The following PCBP3 variants were observed in gnomAD, a reference collection of about 807,000 sequenced individuals.
The protein encoded by PCBP3 is poly(rC)-binding protein 3.
PCBP3 carries 25 observed loss-of-function variants against 52.7 expected under a neutral mutation model. The observed-to-expected ratio is 0.47, with a 90% CI of 0.35 to 0.66. The LOEUF is 0.66. Ranked by LOEUF, PCBP3 falls within the 30% of genes least tolerant of loss-of-function variation. PCBP3 has a pLI of 0.01. For synonymous variants in PCBP3, 162 were observed against 183.0 expected (o/e 0.89, Z 0.93); for missense variants, 391 against 490.3 (o/e 0.80, Z 1.91).
intron 12 of PCBP3, chr21:45,915,948 CCCAT>C (rs1267818734): frequency 6.6e-6 from 1 of 152,302 alleles, no homozygotes; most frequent in Non-Finnish European, 1.5e-5. Flanking sequence ...ACCTGGAGGG[CCCAT>C]CCACTTTATT....
chr21:45,794,876 C>G (rs187692187), intron 4 of PCBP3, among the ~76,000 whole-genome samples: 10 of 151,794 alleles, frequency 6.6e-5, no homozygotes, highest in Admixed American at 6.6e-4. Flanking sequence ...TTGCAGTGAG[C>G]CGAGATTGCG....
chr21:45,827,617 A>G lies in PCBP3; in HGVS notation c.-125-22344A>G, dbSNP rs1049469735. Among the ~76,000 whole-genome samples, 8 of 152,242 alleles carry G rather than the reference A, an allele frequency of 5.3e-5. No individual in the cohort carries two copies. Among genetic ancestry groups the G allele is most frequent in the Non-Finnish European group, 1.0e-4 (7 of 68,050 alleles). Reference sequence around the variant, plus strand: ...GTCGAGGTTTCAGAACTGAAAGTACAGCCACCAGAATTTAGAAATTCACAT... The same window carrying G: ...GTCGAGGTTTCAGAACTGAAAGTACGGCCACCAGAATTTAGAAATTCACAT... On this transcript the variant is annotated intron_variant, in intron 4 of 17. Transcript: ENST00000681687. This position sits in a 1 kb window ranked among gnomAD's most constrained non-coding sequence, Gnocchi z 4.3.
intron 4 of PCBP3, among the ~76,000 whole-genome samples, chr21:45,826,812 A>G (rs1038323838): frequency 2.0e-5 from 3 of 152,128 alleles, no homozygotes; most frequent in African/African-American, 7.2e-5. Flanking sequence ...GTTCTCTCTA[A>G]CCAGAGGAGG....
intron 4 of PCBP3, among the ~76,000 whole-genome samples, chr21:45,839,028 G>A (rs796330136): frequency 6.6e-5 from 10 of 151,278 alleles, no homozygotes; most frequent in African/African-American, 9.7e-5. Context: ...TTTTCTTTTC[G>A]AAAACATGAA....
At chr21:45,925,609 A>G (rs529882506) in intron 13 of PCBP3, among the ~76,000 whole-genome samples, 1 of 152,248 alleles carries the variant, frequency 6.6e-6, no homozygotes, top group Non-Finnish European at 1.5e-5. Flanking sequence ...CACCTAAAGC[A>G]TAAGAACCCA....
intron 3 of PCBP3, among the ~76,000 whole-genome samples, chr21:45,740,739 GTGTGTGTGTGGAAGGTGTGTGCA>G (rs1465835608): frequency 6.6e-6 from 1 of 151,826 alleles, no homozygotes; most frequent in Non-Finnish European, 1.5e-5. Context: ...GCACGCATGC[GTGTGTGTGTGGAAGGTGTGTGCA>G]TGTGTGTGTG....
At chr21:45,653,302 A>G (rs2079806929) in intron 1 of PCBP3, among the ~76,000 whole-genome samples, 2 of 152,170 alleles carry the variant, frequency 1.3e-5, no homozygotes, top group South Asian at 2.1e-4. Flanking sequence ...TTTGGTTGTT[A>G]TATTCATTAC....
chr21:45,835,561 G>T (rs1051270594), intron 4 of PCBP3, among the ~76,000 whole-genome samples: 4 of 152,364 alleles, frequency 2.6e-5, no homozygotes, highest in African/African-American at 9.6e-5. Flanking sequence ...CAGTTCCAGG[G>T]TTCAAACCTA....
intron 4 of PCBP3, among the ~76,000 whole-genome samples, chr21:45,767,799 C>T (rs1036816724): frequency 2.0e-5 from 3 of 152,214 alleles, no homozygotes; most frequent in African/African-American, 7.2e-5. Flanking sequence ...CATGTCAGGC[C>T]CCAGGCCCCT....
At chr21:45,878,364 A>C (rs2095320143) in intron 5 of PCBP3, among the ~76,000 whole-genome samples, 1 of 152,246 alleles carries the variant, frequency 6.6e-6, no homozygotes. Context: ...AAGTGCAGTA[A>C]GTTTCTGGCA....
intron 4 of PCBP3, among the ~76,000 whole-genome samples, chr21:45,819,166 G>A (rs1029111205): frequency 1.3e-5 from 2 of 152,166 alleles, no homozygotes; most frequent in African/African-American, 4.8e-5. Flanking sequence ...CTGGGGGGTG[G>A]TGATGTGCCC....
chr21:45,705,841 C>A (rs1415922145), intron 2 of PCBP3, among the ~76,000 whole-genome samples: 2 of 152,134 alleles, frequency 1.3e-5, no homozygotes, highest in African/African-American at 2.4e-5. Flanking sequence ...CTGCTGTGAG[C>A]CCAGGAGGCA....
At chr21:45,657,463 T>C (rs950149676) in intron 1 of PCBP3, among the ~76,000 whole-genome samples, 4 of 152,192 alleles carry the variant, frequency 2.6e-5, no homozygotes, top group African/African-American at 9.7e-5. Flanking sequence ...GACCATAAAA[T>C]ATGGGTTTAT....
At chr21:45,721,079 G>A (rs150050842) in intron 2 of PCBP3, among the ~76,000 whole-genome samples, 49 of 152,236 alleles carry the variant, frequency 3.2e-4, no homozygotes, top group Middle Eastern at 3.4e-3. Context: ...CTCAAGTTGC[G>A]GAAGCAGCTA....
At chr21:45,804,406 G>A (rs980895313) in intron 4 of PCBP3, among the ~76,000 whole-genome samples, 3 of 152,170 alleles carry the variant, frequency 2.0e-5, no homozygotes, top group African/African-American at 4.8e-5. Context: ...AGGCTTTGAG[G>A]TGGTGTACAA....
chr21:45,657,205 T>C (rs930495234), intron 1 of PCBP3, among the ~76,000 whole-genome samples: 2 of 152,254 alleles, frequency 1.3e-5, no homozygotes, highest in Admixed American at 6.5e-5. Flanking sequence ...TTTTGTTGCT[T>C]GTGCTTTGTC....
intron 10 of PCBP3, among the ~76,000 whole-genome samples, chr21:45,910,603 G>A (rs1026076005): frequency 9.2e-5 from 14 of 152,162 alleles, no homozygotes; most frequent in Non-Finnish European, 1.5e-4. Flanking sequence ...AGAGGATTCC[G>A]TGTATTTGAA....
intron 6 of PCBP3, among the ~76,000 whole-genome samples, chr21:45,898,382 T>A (rs2095894176): frequency 9.9e-6 from 1 of 101,038 alleles, no homozygotes; most frequent in Non-Finnish European, 2.1e-5. Context: ...CACACCGTCC[T>A]CACAGCCTCC....
At chr21:45,698,725 A>G (rs1251687995) in intron 2 of PCBP3, among the ~76,000 whole-genome samples, 1 of 152,236 alleles carries the variant, frequency 6.6e-6, no homozygotes, top group Non-Finnish European at 1.5e-5. Flanking sequence ...TGTGAACATT[A>G]TGCACCATTA....
Sources: gnomAD v4.1 joint callset for allele counts (sites outside exome capture counted in the v4.1 genomes callset) on GRCh38, gnomAD v4.1.1 for gene constraint, Gnocchi (gnomAD v3.1) non-coding constraint, MANE v1.5 for transcripts, NCBI Gene and HGNC (gene_info 2026-07-23, HGNC 2026-07-21) for gene names.